GFOD1: variants seen among roughly 807,000 people sequenced by gnomAD.
GFOD1 encodes glucose-fructose oxidoreductase domain-containing protein 1.
In GFOD1, 9 loss-of-function variants were observed where a neutral mutation model predicts 25.4. That is an observed-to-expected ratio of 0.35 (90% CI 0.21 to 0.62). GFOD1 has a LOEUF of 0.62. Among genes scored for constraint, GFOD1 ranks in the 20% least tolerant of loss-of-function variants. GFOD1 has a pLI of 0.72. For missense variants in GFOD1, 403 were observed against 556.9 expected (o/e 0.72, Z 2.78); for synonymous variants, 253 against 245.6 (o/e 1.03, Z -0.28).
intron 1 of GFOD1, among the ~76,000 whole-genome samples, chr6:13,403,920 T>C (rs4454121): frequency 0.57 from 86,644 of 152,082 alleles, 28,582 homozygotes; most frequent in Non-Finnish European, 0.73. Flanking sequence ...TCTGGGGTGA[T>C]GAAATGTTCT....
chr6:13,464,051 G>A lies in GFOD1; in HGVS notation c.253+22587C>T, dbSNP rs987329553. On this transcript the variant is annotated intron_variant, in intron 1 of 1. Transcript: ENST00000379287. ...AAATTTGTTCTCCCTGTAAGTCAGG[G>A]TCAGAAAAAGTTACTCTGCTGGCCT... Among the ~76,000 whole-genome samples the A allele has an allele frequency of 2.6e-5, 4 of 152,226 alleles. No homozygotes were observed. The South Asian group carries it at 8.3e-4, about 32-fold the overall frequency.
intron 1 of GFOD1, among the ~76,000 whole-genome samples, chr6:13,442,048 G>A (rs928431214): frequency 1.3e-5 from 2 of 152,184 alleles, no homozygotes; most frequent in African/African-American, 4.8e-5. Context: ...TTGGGATGTA[G>A]GAGGAAACTA....
chr6:13,455,041 G>T (rs1758164028), intron 1 of GFOD1, among the ~76,000 whole-genome samples: 1 of 152,152 alleles, frequency 6.6e-6, no homozygotes, highest in Non-Finnish European at 1.5e-5. Flanking sequence ...CTAGAGTTTA[G>T]GGTTTCGTCA....
chr6:13,360,558 G>GA lies in GFOD1; in HGVS notation c.*4184dup, dbSNP rs1365781504. The GA allele has an allele frequency of 2.7e-6, 1 of 375,358 alleles. No individual in the cohort carries two copies. The highest frequency in any genetic ancestry group is 5.4e-6 in the Non-Finnish European group (1 of 186,068). The allele number at this position is 375,358 out of a possible 1,614,324, so 23.3% of individuals were successfully genotyped here. On this transcript the variant is annotated 3_prime_UTR_variant, in exon 2 of 2. Transcript: ENST00000379287. ...TATAATAGTCAGCCAACAAGATTTT[G>GA]AAAATCCCCAGCCCTGAGGCTTGCT...
chr6:13,470,526 G>C (rs530128402), intron 1 of GFOD1: 1 of 1,549,780 alleles, frequency 6.5e-7, no homozygotes, highest in Non-Finnish European at 8.7e-7. Context: ...TGTCCCATGT[G>C]GGGGTGCTGG....
chr6:13,443,816 TAAAAAAAAA>T (rs34976657), intron 1 of GFOD1, among the ~76,000 whole-genome samples: 1 of 112,166 alleles, frequency 8.9e-6, no homozygotes, highest in African/African-American at 3.7e-5. Flanking sequence ...GACTCAGTCT[TAAAAAAAAA>T]AAAAAAAAAA....
At chr6:13,485,337 C>T (rs1758840996) in intron 1 of GFOD1, among the ~76,000 whole-genome samples, 1 of 152,206 alleles carries the variant, frequency 6.6e-6, no homozygotes, top group Non-Finnish European at 1.5e-5. Flanking sequence ...CTATTTTTAA[C>T]AAATAAAACA....
intron 1 of GFOD1, among the ~76,000 whole-genome samples, chr6:13,406,728 A>T (rs1785954281): frequency 6.6e-6 from 1 of 151,960 alleles, no homozygotes; most frequent in Non-Finnish European, 1.5e-5. Flanking sequence ...AAGAAAGTGG[A>T]CTCTCATCCA....
intron 1 of GFOD1, among the ~76,000 whole-genome samples, chr6:13,390,779 GAA>G (rs763727741): frequency 0.034 from 3,589 of 106,594 alleles, 68 homozygotes; most frequent in Admixed American, 0.067. Flanking sequence ...GAGAGAGAGA[GAA>G]AGGAAGGAAG....
chr6:13,461,777 C>A (rs949576106), intron 1 of GFOD1, among the ~76,000 whole-genome samples: 4 of 152,202 alleles, frequency 2.6e-5, no homozygotes, highest in African/African-American at 4.8e-5. Context: ...AGGCTCAGCT[C>A]TTTCCAGAAA....
chr6:13,477,635 A>G (rs1319982359), intron 1 of GFOD1, among the ~76,000 whole-genome samples: 1 of 152,008 alleles, frequency 6.6e-6, no homozygotes, highest in Non-Finnish European at 1.5e-5. Context: ...TATGTCTTAA[A>G]TTTAATAATA....
intron 1 of GFOD1, among the ~76,000 whole-genome samples, chr6:13,390,369 T>A (rs1005970847): frequency 2.0e-5 from 3 of 151,950 alleles, no homozygotes; most frequent in Non-Finnish European, 4.4e-5. Flanking sequence ...GGCAGGAGGA[T>A]CACTTAAACC....
intron 1 of GFOD1, among the ~76,000 whole-genome samples, chr6:13,391,674 G>A (rs1785616524): frequency 6.6e-6 from 1 of 152,160 alleles, no homozygotes; most frequent in Non-Finnish European, 1.5e-5. Context: ...ATGCCAGCAG[G>A]CGAGCCAGAC....
rs2127572689 is a variant in GFOD1 at position 13,444,705 on chromosome 6, G to A, written c.253+41933C>T. Among the ~76,000 whole-genome samples, 2 of 152,208 alleles carry A rather than the reference G, an allele frequency of 1.3e-5. 1 individual carries two copies. Among genetic ancestry groups the A allele is most frequent in the South Asian group, 4.1e-4 (2 of 4,824 alleles). ...AATAAAAAAAATTTAATGAAAGTAT[G>A]TACATTGTTCTTTAGACATAATACT... On this transcript the variant is annotated intron_variant, in intron 1 of 1. Transcript: ENST00000379287.
chr6:13,433,808 C>T (rs1757789270), intron 1 of GFOD1, among the ~76,000 whole-genome samples: 1 of 152,184 alleles, frequency 6.6e-6, no homozygotes, highest in African/African-American at 2.4e-5. Flanking sequence ...CTACAACTTC[C>T]TCTCTCCTCT....
At chr6:13,371,000 T>C (rs1460738208) in intron 1 of GFOD1, among the ~76,000 whole-genome samples, 2 of 152,226 alleles carry the variant, frequency 1.3e-5, no homozygotes, top group Non-Finnish European at 2.9e-5. Flanking sequence ...ATGACAATCA[T>C]CTGTCTTAGC....
intron 1 of GFOD1, among the ~76,000 whole-genome samples, chr6:13,411,791 C>T (rs1487673833): frequency 1.3e-5 from 2 of 152,202 alleles, no homozygotes; most frequent in Admixed American, 6.5e-5. Context: ...AGGATGATCC[C>T]TTTCTACAAC....
chr6:13,445,890 C>A (rs1757994711), intron 1 of GFOD1, among the ~76,000 whole-genome samples: 1 of 152,156 alleles, frequency 6.6e-6, no homozygotes, highest in African/African-American at 2.4e-5. Context: ...GTGGACGCCA[C>A]AATGTAGGTC....
chr6:13,445,867 C>T (rs1260208939), intron 1 of GFOD1, among the ~76,000 whole-genome samples: 1 of 152,224 alleles, frequency 6.6e-6, no homozygotes, highest in Non-Finnish European at 1.5e-5. Flanking sequence ...CTCAGCTGTC[C>T]TACACCTCTC....
Sources: gnomAD v4.1 joint callset for allele counts (sites outside exome capture counted in the v4.1 genomes callset) on GRCh38, gnomAD v4.1.1 for gene constraint, MANE v1.5 for transcripts, NCBI Gene and HGNC (gene_info 2026-07-23, HGNC 2026-07-21) for gene names.